The following FMO5 variants were observed in gnomAD, a reference collection of about 807,000 sequenced individuals.
The protein encoded by FMO5 is flavin containing dimethylaniline monoxygenase 5, also known as flavin-containing monooxygenase 5.
In FMO5, 51 loss-of-function variants were observed where a neutral mutation model predicts 43.6. That is an observed-to-expected ratio of 1.17 (90% CI 0.93 to 1.48). The LOEUF is 1.48. Among genes scored for constraint, FMO5 ranks in the 40% most tolerant of loss-of-function variants. The pLI is 0.00. For synonymous variants in FMO5, 187 were observed against 216.5 expected, an observed-to-expected ratio of 0.86 and a Z score of 1.20; for missense variants, 644 against 643.0, an observed-to-expected ratio of 1.00 and a Z score of -0.02.
chr1:147,197,136 C>A (rs1269881314), intron 7 of FMO5, among the ~76,000 whole-genome samples: 1 of 152,158 alleles, frequency 6.6e-6, no homozygotes, highest in African/African-American at 2.4e-5. Context: ...TCCTATAACA[C>A]TTTACCAGCA....
chr1:147,188,876 T>C (rs781990031), intron 8 of FMO5, among the ~76,000 whole-genome samples: 12 of 151,934 alleles, frequency 7.9e-5, no homozygotes, highest in Non-Finnish European at 1.8e-4. Context: ...AATAAGATAC[T>C]TTAGAGCCAG....
intron 7 of FMO5, among the ~76,000 whole-genome samples, chr1:147,193,574 T>G (rs1657329958): frequency 6.6e-6 from 1 of 152,082 alleles, no homozygotes; most frequent in South Asian, 2.1e-4. Flanking sequence ...GCTCTTGCTT[T>G]TCTAGTTCTT....
At chr1:147,220,656 T>C (rs1662844492) in intron 2 of FMO5, among the ~76,000 whole-genome samples, 1 of 152,206 alleles carries the variant, frequency 6.6e-6, no homozygotes, top group Non-Finnish European at 1.5e-5. Flanking sequence ...AGGGTTTTTA[T>C]AGTTTTAGAT....
intron 6 of FMO5, among the ~76,000 whole-genome samples, chr1:147,207,023 A>G (rs1553922510): frequency 6.6e-6 from 1 of 151,984 alleles, no homozygotes; most frequent in Non-Finnish European, 1.5e-5. Flanking sequence ...TACTAGATTT[A>G]AAAAGATTTT....
At chr1:147,212,605 T>G (rs17360066) in intron 4 of FMO5, 70 bp from the exon 5 acceptor site, 45,657 of 1,427,534 alleles carry the variant, frequency 0.032, 1,066 homozygotes, top group South Asian at 0.092. Flanking sequence ...AAGTCATTTG[T>G]TTTTTTTGCA....
At chr1:147,211,023 A>G (rs1238327258) in intron 5 of FMO5, 1 of 152,244 alleles carries the variant, frequency 6.6e-6, no homozygotes, top group Non-Finnish European at 1.5e-5. Context: ...AATACAATTT[A>G]CAAGTAAAGT....
chr1:147,188,383 G>A (rs1399430075), intron 8 of FMO5, among the ~76,000 whole-genome samples: 2 of 151,818 alleles, frequency 1.3e-5, no homozygotes, highest in Non-Finnish European at 2.9e-5. Context: ...AATTAGCTGG[G>A]CGTTGTTAGT....
rs1660592835 is a variant in FMO5, at chr1:147,208,960, G to GT, written c.721dup (p.Thr241AsnfsTer26). 1 of 1,613,804 alleles carries GT rather than the reference G, an allele frequency of 6.2e-7. No individual in the cohort carries two copies. Among genetic ancestry groups the GT allele is most frequent in the African/African-American group, 1.3e-5 (1 of 74,872 alleles). On this transcript the variant is annotated frameshift_variant, in exon 6 of 9. Transcript: ENST00000254090. LOFTEE classifies it high-confidence loss of function. ...GCCACAGATCTTCCATATAAAATGTGTAAGTCGAGAAGAGAACAACACATC... is the reference window on the plus strand; with the variant it reads ...GCCACAGATCTTCCATATAAAATGTGTTAAGTCGAGAAGAGAACAACACATC...
At chr1:147,215,687 T>C in intron 3 of FMO5, 67 bp downstream of exon 3, 2 of 1,214,790 alleles carry the variant, frequency 1.6e-6, no homozygotes, top group South Asian at 1.5e-5. Flanking sequence ...CATTGGTAAC[T>C]GAAACCACGT....
chr1:147,209,379 A>C (rs1660709279), intron 5 of FMO5, among the ~76,000 whole-genome samples: 1 of 145,560 alleles, frequency 6.9e-6, no homozygotes, highest in Admixed American at 7.2e-5. Context: ...CGGAGCTTGC[A>C]GTGAGCCAAG....
chr1:147,215,142 C>T (rs1661773564), intron 3 of FMO5: 1 of 152,110 alleles, frequency 6.6e-6, no homozygotes, highest in East Asian at 1.9e-4. Context: ...CAGAAGTGAT[C>T]TGGTACAATC....
At position 147,187,060 on chromosome 1, in the gene FMO5, C is replaced by T; in HGVS notation, c.1442G>A (p.Trp481Ter). 2 of 1,614,150 alleles carry T rather than the reference C, an allele frequency of 1.2e-6. No individual in the cohort carries two copies. Among genetic ancestry groups the T allele is most frequent in the Non-Finnish European group, 1.7e-6 (2 of 1,180,032 alleles). The change falls in exon 9 of 9, where the codon TGG becomes TAG. Residue 481 changes from tryptophan (W) to a stop codon, truncating the protein, a stop_gained. Coordinates refer to ENST00000254090, the MANE Select transcript of FMO5 (RefSeq NM_001461.4). LOFTEE classifies it low-confidence loss of function (END_TRUNC). ...GAGGATAGCTTTTCGAGCCCCATCC[C>T]ACTTTCCAGGGCCCTGTACACGATA... ...IHYRVQGPGK[W>*]DGARKAILTT... is the part of the protein sequence containing the mutation.
upstream of FMO5, among the ~76,000 whole-genome samples, chr1:147,226,228 C>G (rs1320311541): frequency 2.6e-5 from 4 of 151,890 alleles, no homozygotes; most frequent in African/African-American, 9.7e-5. Flanking sequence ...CCTGCCCCCA[C>G]TTCCGCCCCC....
chr1:147,200,013 C>G (rs1289404028), intron 7 of FMO5, among the ~76,000 whole-genome samples: 2 of 152,160 alleles, frequency 1.3e-5, no homozygotes, highest in East Asian at 3.8e-4. Context: ...TCTTGTTTCT[C>G]TCTATCCTGA....
At chr1:147,211,312 C>T (rs1553923693) in intron 5 of FMO5, 1 of 152,210 alleles carries the variant, frequency 6.6e-6, no homozygotes, top group African/African-American at 2.4e-5. Flanking sequence ...TTGCACATTC[C>T]TCTACCATAA....
intron 2 of FMO5, among the ~76,000 whole-genome samples, chr1:147,217,171 C>T (rs1275647607): frequency 6.6e-6 from 1 of 151,744 alleles, no homozygotes; most frequent in South Asian, 2.1e-4. Flanking sequence ...ACCCGGGAGG[C>T]GGAGGTTGCG....
At chr1:147,222,198 C>T (rs1324220829) in intron 2 of FMO5, among the ~76,000 whole-genome samples, 2 of 152,142 alleles carry the variant, frequency 1.3e-5, no homozygotes, top group African/African-American at 4.8e-5. Flanking sequence ...GGTGAAACCC[C>T]ATCTTTACTA....
chr1:147,221,583 T>G (rs587741623), intron 2 of FMO5, among the ~76,000 whole-genome samples: 2 of 152,364 alleles, frequency 1.3e-5, no homozygotes, highest in South Asian at 4.1e-4. Context: ...TTTCATTTAT[T>G]CATTCAAGAG....
upstream of FMO5, chr1:147,225,760 C>T (rs1350429289): frequency 6.6e-6 from 1 of 152,208 alleles, no homozygotes; most frequent in Admixed American, 6.5e-5. Context: ...CAGATTGTAG[C>T]AGGATGAGCC....
Sources: allele counts gnomAD v4.1 joint callset (sites outside exome capture counted in the v4.1 genomes callset), GRCh38; gene constraint gnomAD v4.1.1; transcripts MANE v1.5; gene names NCBI Gene and HGNC (gene_info 2026-07-23, HGNC 2026-07-21).